ANKRD11: variants seen among roughly 807,000 people sequenced by gnomAD.
The protein encoded by ANKRD11 is ankyrin repeat domain-containing protein 11.
In ANKRD11, 17 loss-of-function variants were observed where a neutral mutation model predicts 195.7. The ratio of observed to expected loss-of-function variants is 0.09; its 90% CI spans 0.06 to 0.13. The LOEUF is 0.13. Among genes scored for constraint, ANKRD11 ranks in the 10% least tolerant of loss-of-function variants. The pLI is 1.00. For synonymous variants in ANKRD11, 1,953 were observed against 1,528.1 expected (o/e 1.28, Z -6.49); for missense variants, 3,735 against 3,566.1 (o/e 1.05, Z -1.21).
At chr16:89,443,577 A>G (rs2043630265) in intron 1 of ANKRD11, among the ~76,000 whole-genome samples, 1 of 152,146 alleles carries the variant, frequency 6.6e-6, no homozygotes, top group Non-Finnish European at 1.5e-5. Context: ...AGGGTGCCAG[A>G]CACATACCTA....
intron 2 of ANKRD11, among the ~76,000 whole-genome samples, chr16:89,338,752 A>C (rs1045311899): frequency 1.3e-5 from 2 of 148,706 alleles, no homozygotes; most frequent in Admixed American, 6.7e-5. Flanking sequence ...AAAAAAAAAG[A>C]GCGAGCTTTT....
At chr16:89,326,366 G>A (rs1034359069) in intron 2 of ANKRD11, among the ~76,000 whole-genome samples, 4 of 151,940 alleles carry the variant, frequency 2.6e-5, no homozygotes, top group African/African-American at 9.7e-5. Context: ...TGCAGAAGGG[G>A]ACGCAGCCAC....
At chr16:89,274,674 T>A in intron 11 of ANKRD11, 140 bp downstream of exon 11, 1 of 1,281,466 alleles carries the variant, frequency 7.8e-7, no homozygotes, top group South Asian at 1.2e-5. Context: ...GCTAGAGGCA[T>A]GCAAAGGACT....
chr16:89,384,158 T>G (rs376413499), intron 2 of ANKRD11, among the ~76,000 whole-genome samples: 61 of 151,404 alleles, frequency 4.0e-4, no homozygotes, highest in African/African-American at 1.4e-3. Flanking sequence ...AAGGTGGAGG[T>G]TGCAGTGAGC....
At chr16:89,439,385 ACCT>A (rs1029945984) in intron 1 of ANKRD11, among the ~76,000 whole-genome samples, 11 of 152,336 alleles carry the variant, frequency 7.2e-5, no homozygotes, top group African/African-American at 2.6e-4. Context: ...CAATGGGGTT[ACCT>A]CCCAATAAAC....
chr16:89,402,315 C>G (rs143706463), intron 2 of ANKRD11, among the ~76,000 whole-genome samples: 1 of 152,252 alleles, frequency 6.6e-6, no homozygotes, highest in Non-Finnish European at 1.5e-5. Context: ...TACTAATGTA[C>G]AGTTCACATG....
chr16:89,459,943 GAAAA>G (rs1029053693), intron 1 of ANKRD11, among the ~76,000 whole-genome samples: 17 of 140,806 alleles, frequency 1.2e-4, no homozygotes, highest in Non-Finnish European at 1.6e-5. Context: ...CAAAAAAAAA[GAAAA>G]AAAAAAGGCC....
Position 89,285,976 on chromosome 16 carries a change from C to A in ANKRD11, c.892+63G>T, listed in dbSNP as rs2034617119. 6 of 1,611,918 alleles carry A rather than the reference C, an allele frequency of 3.7e-6. No homozygotes were observed. The highest frequency in any genetic ancestry group is 4.2e-6 in the Non-Finnish European group (5 of 1,179,082). ...TCAGAGGGGCAACACTGTGCAAACA[C>A]CACAGGGCAGCTCCTACCATCCCTG... is the stretch of plus-strand genomic sequence containing the variant. On this transcript the variant is annotated intron_variant, in intron 8 of 12. Coordinates refer to ENST00000301030, the MANE Select transcript of ANKRD11 (RefSeq NM_013275.6). The surrounding 1 kb of genome is among the most constrained non-coding windows in gnomAD (Gnocchi z 5.6).
intron 3 of ANKRD11, among the ~76,000 whole-genome samples, 183 bp from the exon 4 acceptor site, chr16:89,305,527 G>A (rs1406212650): frequency 6.6e-6 from 1 of 152,086 alleles, no homozygotes; most frequent in African/African-American, 2.4e-5. Context: ...CAGAAGCCCG[G>A]GGTCGGGCTG....
chr16:89,359,384 A>T (rs1162989935), intron 2 of ANKRD11, among the ~76,000 whole-genome samples: 1 of 152,218 alleles, frequency 6.6e-6, no homozygotes, highest in Non-Finnish European at 1.5e-5. Flanking sequence ...AACTGCAGCC[A>T]GCTCCTGGAG....
chr16:89,407,550 A>G (rs1053046288), intron 2 of ANKRD11, among the ~76,000 whole-genome samples: 2 of 152,062 alleles, frequency 1.3e-5, no homozygotes, highest in Non-Finnish European at 2.9e-5. Context: ...GCCGCGCAAC[A>G]TGGCTCACAC....
At chr16:89,437,529 TC>T (rs2043265947) in intron 1 of ANKRD11, among the ~76,000 whole-genome samples, 2 of 151,872 alleles carry the variant, frequency 1.3e-5, no homozygotes, top group Non-Finnish European at 2.9e-5. Flanking sequence ...TGCCACCATC[TC>T]CCCTGAGCAA....
intron 2 of ANKRD11, chr16:89,323,727 C>T (rs561838162): frequency 1.5e-5 from 4 of 270,878 alleles, no homozygotes; most frequent in Non-Finnish European, 2.9e-5. Context: ...TTCTGAAGAG[C>T]CCTCCCCAAG....
chr16:89,285,002 G>T lies in ANKRD11; in HGVS notation c.1540C>A (p.Leu514Met), dbSNP rs367970933. 1.2e-6 allele frequency: 2 copies of T among 1,613,992 alleles called. No homozygotes were observed. The highest frequency in any genetic ancestry group is 2.2e-5 in the East Asian group (1 of 44,892). The part of the protein sequence containing the change: ...GSPLVLKDPS[L>M]FSSLSASSTS... ...GAGGAGGCAGAGAGGGAGCTGAACA[G>T]GGAGGGGTCCTTCAGCACCAGCGGG... The change falls in exon 9 of 13, where the codon CTG (leucine) becomes ATG (methionine). Residue 514 changes from leucine (L) to methionine (M), a missense_variant. Coordinates refer to ENST00000301030, the MANE Select transcript of ANKRD11 (RefSeq NM_013275.6). This position sits in a 1 kb window ranked among gnomAD's most constrained non-coding sequence, Gnocchi z 5.6.
intron 1 of ANKRD11, among the ~76,000 whole-genome samples, chr16:89,449,730 T>C (rs1042659815): frequency 6.6e-6 from 1 of 151,804 alleles, no homozygotes; most frequent in Non-Finnish European, 1.5e-5. Context: ...GAGGTGGAGG[T>C]TGCAGTGAGC....
At chr16:89,297,004 C>T (rs773402715) in intron 4 of ANKRD11, among the ~76,000 whole-genome samples, 2 of 152,118 alleles carry the variant, frequency 1.3e-5, no homozygotes, top group Non-Finnish European at 2.9e-5. Context: ...GTGGCCCTCT[C>T]GAGGGGACAA....
chr16:89,276,074 G>A (rs2033627044), intron 9 of ANKRD11, among the ~76,000 whole-genome samples: 1 of 152,228 alleles, frequency 6.6e-6, no homozygotes, highest in African/African-American at 2.4e-5. Context: ...GGGTGGCCAA[G>A]ACCAGCTGGA....
intron 9 of ANKRD11, chr16:89,278,868 G>C: frequency 1.2e-6 from 1 of 855,736 alleles, no homozygotes; most frequent in South Asian, 1.4e-5. Flanking sequence ...GCTGGAGGAA[G>C]GACCTCGGGT....
At chr16:89,432,436 G>A (rs2043023218) in intron 1 of ANKRD11, among the ~76,000 whole-genome samples, 3 of 152,066 alleles carry the variant, frequency 2.0e-5, no homozygotes, top group Admixed American at 6.5e-5. Flanking sequence ...GTTGAGGGGT[G>A]CTGTCTGGCT....
Sources: allele counts gnomAD v4.1 joint callset (sites outside exome capture counted in the v4.1 genomes callset), GRCh38; gene constraint gnomAD v4.1.1; non-coding constraint Gnocchi (gnomAD v3.1); transcripts MANE v1.5; gene names NCBI Gene and HGNC (gene_info 2026-07-23, HGNC 2026-07-21).